The following FREM1 variants were observed in gnomAD, a reference collection of about 807,000 sequenced individuals.
FREM1 encodes the protein FRAS1-related extracellular matrix protein 1.
Under a neutral mutation model 210.1 loss-of-function variants are expected in FREM1, and 220 were observed. The observed-to-expected ratio is 1.05, with a 90% CI of 0.94 to 1.17. FREM1 has a LOEUF of 1.17. FREM1 is among the 50% of genes most tolerant of loss of function. The probability of loss-of-function intolerance (pLI) is 0.00; values close to 1 mark genes in which losing one functional copy is unlikely to be tolerated. For missense variants in FREM1, 3,454 were observed against 2,675.5 expected, an observed-to-expected ratio of 1.29 and a Z score of -6.42; for synonymous variants, 1,189 against 980.2, an observed-to-expected ratio of 1.21 and a Z score of -3.98.
intron 1 of FREM1, among the ~76,000 whole-genome samples, chr9:14,905,491 A>G (rs554267378): frequency 5.9e-5 from 9 of 152,366 alleles, no homozygotes; most frequent in Admixed American, 5.9e-4. Flanking sequence ...GAGAATCAGT[A>G]AAAAATGAAG....
intron 29 of FREM1, among the ~76,000 whole-genome samples, chr9:14,750,794 G>T (rs527460606): frequency 1.3e-5 from 2 of 152,214 alleles, no homozygotes; most frequent in South Asian, 4.2e-4. Flanking sequence ...GCCCACAAAT[G>T]CTTTTTCTGA....
chr9:14,875,706 C>T (rs548255354), intron 1 of FREM1, among the ~76,000 whole-genome samples: 160 of 152,274 alleles, frequency 1.1e-3, no homozygotes, highest in African/African-American at 3.3e-3. Context: ...AGCTTTGTTC[C>T]GTTGCTGGTG....
At chr9:14,865,843 G>A (rs1327229776) in intron 2 of FREM1, among the ~76,000 whole-genome samples, 4 of 152,138 alleles carry the variant, frequency 2.6e-5, no homozygotes, top group African/African-American at 9.7e-5. Flanking sequence ...TTGAAATTAT[G>A]AGAATAACAA....
intron 15 of FREM1, 73 bp downstream of exon 15, chr9:14,816,705 A>G (rs1289791405): frequency 1.5e-6 from 1 of 684,890 alleles, no homozygotes. Context: ...TAAATTACCC[A>G]GTCTGTAGTA....
At chr9:14,802,622 T>G (rs116363016) in intron 19 of FREM1, among the ~76,000 whole-genome samples, 1,664 of 152,316 alleles carry the variant, frequency 0.011, 42 homozygotes, top group African/African-American at 0.038. Flanking sequence ...CTTGACAATA[T>G]GTTACTTAGC....
intron 23 of FREM1, among the ~76,000 whole-genome samples, chr9:14,785,741 AAC>A (rs1054500859): frequency 1.3e-5 from 2 of 152,104 alleles, no homozygotes; most frequent in African/African-American, 4.8e-5. Context: ...ATAGAGACAG[AAC>A]ACAGGACAAT....
chr9:14,801,052 G>A (rs1202007183), intron 20 of FREM1, among the ~76,000 whole-genome samples: 2 of 152,146 alleles, frequency 1.3e-5, no homozygotes, highest in Non-Finnish European at 2.9e-5. Context: ...AGTCTGGAGT[G>A]CAGTGGCACG....
Position 14,741,644 on chromosome 9 carries a change from G to A in FREM1, c.6255-1410C>T, listed in dbSNP as rs1239862471. 3.3e-5 allele frequency among the ~76,000 whole-genome samples: 5 copies of A among 151,104 alleles called. No individual in the cohort carries two copies. The East Asian group carries it at 9.6e-4, about 29-fold the overall frequency. ...AAACTTGGGTTAAATATAAGCTGAG[G>A]GAGGGCTTGAGGGACTGTCCCAGTC... On this transcript the variant is annotated intron_variant, in intron 35 of 36. Transcript: ENST00000380880.
At chr9:14,782,104 G>C (rs143271546) in intron 24 of FREM1, among the ~76,000 whole-genome samples, 110 of 152,208 alleles carry the variant, frequency 7.2e-4, no homozygotes, top group African/African-American at 2.4e-3. Context: ...ATTACCTGAA[G>C]ATATCTTTCA....
At chr9:14,756,313 A>G (rs1400080428) in intron 29 of FREM1, 61 bp downstream of exon 29, 5 of 1,169,000 alleles carry the variant, frequency 4.3e-6, no homozygotes, top group Non-Finnish European at 6.1e-6. Flanking sequence ...ATCTCCAGAC[A>G]TGCCTACAAA....
rs991982746 is a variant in FREM1, at chr9:14,776,127, G to A, written c.4519C>T (p.Pro1507Ser). 6.3e-7 allele frequency: 1 copy of A among 1,590,432 alleles called. No individual in the cohort carries two copies. Among genetic ancestry groups the A allele is most frequent in the East Asian group, 2.2e-5 (1 of 44,674 alleles). The change falls in exon 25 of 37, where the codon CCT becomes TCT. Residue 1507 changes from proline to serine, a missense_variant. Transcript: ENST00000380880. ...ITLETVDRAL[P>S]VVTRNKGLRL... Reference sequence around the variant, plus strand: ...AACCCCTTGTTCCTGGTTACCACAGGCAGGGCTCTGTCCACAGTCTCCAGT... The same window carrying A: ...AACCCCTTGTTCCTGGTTACCACAGACAGGGCTCTGTCCACAGTCTCCAGT...
chr9:14,834,762 G>T (rs1443722795), intron 10 of FREM1, among the ~76,000 whole-genome samples: 3 of 152,070 alleles, frequency 2.0e-5, no homozygotes, highest in Non-Finnish European at 4.4e-5. Context: ...TTATATTTTG[G>T]TGAACACTAA....
chr9:14,782,927 C>T (rs1849859629), intron 24 of FREM1, among the ~76,000 whole-genome samples: 1 of 152,208 alleles, frequency 6.6e-6, no homozygotes, highest in African/African-American at 2.4e-5. Flanking sequence ...GTCACTCAGG[C>T]AGTTCTTGCC....
intron 1 of FREM1, among the ~76,000 whole-genome samples, chr9:14,870,732 C>T (rs1832499515): frequency 6.6e-6 from 1 of 151,568 alleles, no homozygotes; most frequent in South Asian, 2.1e-4. Flanking sequence ...TAGACATGTG[C>T]CATGCTGGTG....
intron 21 of FREM1, among the ~76,000 whole-genome samples, chr9:14,797,111 T>G (rs1392777293): frequency 6.6e-6 from 1 of 152,248 alleles, no homozygotes. Flanking sequence ...TTGTAAGGAC[T>G]GTCTGCAGTT....
intron 16 of FREM1, among the ~76,000 whole-genome samples, chr9:14,810,921 T>C (rs779217227): frequency 2.7e-4 from 41 of 152,246 alleles, no homozygotes; most frequent in Non-Finnish European, 4.7e-4. Flanking sequence ...GCAATGAGTG[T>C]GTATTATTTT....
intron 28 of FREM1, among the ~76,000 whole-genome samples, chr9:14,758,454 A>T (rs1844827359): frequency 6.6e-6 from 1 of 152,102 alleles, no homozygotes; most frequent in Admixed American, 6.5e-5. Flanking sequence ...GGAAAACTAT[A>T]GGGCATGCCA....
intron 19 of FREM1, among the ~76,000 whole-genome samples, chr9:14,802,384 A>C (rs188488263): frequency 6.6e-6 from 1 of 152,298 alleles, no homozygotes; most frequent in Admixed American, 6.5e-5. Context: ...TCGCAGTAAA[A>C]ACTTCTGTAT....
chr9:14,780,447 A>AAAAAAAAAAAAACAAAAAAAAT (rs1849476624), intron 24 of FREM1, among the ~76,000 whole-genome samples: 1 of 151,296 alleles, frequency 6.6e-6, no homozygotes, highest in African/African-American at 2.4e-5. Context: ...AAAAAAAAAA[A>AAAAAAAAAAAAACAAAAAAAAT]AAAGTCCAGC....
Sources: gnomAD v4.1 joint callset for allele counts (sites outside exome capture counted in the v4.1 genomes callset) on GRCh38, gnomAD v4.1.1 for gene constraint, MANE v1.5 for transcripts, NCBI Gene and HGNC (gene_info 2026-07-23, HGNC 2026-07-21) for gene names.